ATRX: variants seen among roughly 807,000 people sequenced by gnomAD.
The protein encoded by ATRX is chromatin remodeler ATRX.
Under a neutral mutation model 172.6 loss-of-function variants are expected in ATRX, and 12 were observed. That is an observed-to-expected ratio of 0.07 (90% CI 0.04 to 0.11). The LOEUF (loss-of-function observed/expected upper bound fraction) is 0.11, where lower values mean the gene tolerates loss of function less well. ATRX is among the 10% of genes least tolerant of loss of function. The probability of loss-of-function intolerance (pLI) is 1.00; values close to 1 mark genes in which losing one functional copy is unlikely to be tolerated. For missense variants in ATRX, 1,368 were observed against 1,767.4 expected (o/e 0.77, Z 4.05); for synonymous variants, 674 against 594.7 (o/e 1.13, Z -1.94).
At position 77,717,121 on chromosome X, in the gene ATRX, T is replaced by C. The variant is rs782623596; in HGVS notation, c.133+10A>G. The C allele has an allele frequency of 8.4e-7, 1 of 1,187,075 alleles. No homozygotes were observed. Among genetic ancestry groups the C allele is most frequent in the African/African-American group, 1.8e-5 (1 of 56,823 alleles). On this transcript the variant is annotated intron_variant, in intron 2 of 34. Transcript: ENST00000373344. ...GACTAGAAGGTATAGCACATTCTTTTTCAATTTACCTGTGTTTTGATTCAT... is the reference window on the plus strand; with the variant it reads ...GACTAGAAGGTATAGCACATTCTTTCTCAATTTACCTGTGTTTTGATTCAT...
chrX:77,715,608 T>C (rs1314413274), intron 2 of ATRX, among the ~76,000 whole-genome samples: 1 of 112,287 alleles, frequency 8.9e-6, no homozygotes, highest in Admixed American at 9.5e-5. Context: ...TTGAAAATAA[T>C]GTATTTTTTT....
chrX:77,675,833 T>C (rs2070838045), intron 10 of ATRX: 2 of 132,774 alleles, frequency 1.5e-5, no homozygotes, highest in South Asian at 2.2e-4. Flanking sequence ...AGGACCACCA[T>C]ATTGGATGGC....
intron 2 of ATRX, among the ~76,000 whole-genome samples, chrX:77,713,161 A>G (rs1557162453): frequency 9.0e-6 from 1 of 111,539 alleles, no homozygotes; most frequent in Admixed American, 9.6e-5. Context: ...AAGAATAAAT[A>G]AATAAAAATA....
At chrX:77,659,088 A>C (rs2069714035) in intron 12 of ATRX, among the ~76,000 whole-genome samples, 1 of 111,487 alleles carries the variant, frequency 9.0e-6, no homozygotes, top group Admixed American at 9.6e-5. Context: ...TTAATGGTTA[A>C]AGAGATTCCA....
intron 30 of ATRX, among the ~76,000 whole-genome samples, chrX:77,528,860 A>G (rs2063481923): frequency 8.9e-6 from 1 of 111,915 alleles, no homozygotes; most frequent in African/African-American, 3.2e-5. Flanking sequence ...AATAACAAAT[A>G]TCGCTGGGCT....
chrX:77,698,817 C>A (rs1327876378), intron 2 of ATRX, 188 bp from the exon 3 acceptor site: 2 of 454,737 alleles, frequency 4.4e-6, no homozygotes, highest in Middle Eastern at 3.5e-4. Flanking sequence ...TGCATACTAA[C>A]CCCTCCTTAT....
At chrX:77,763,659 C>T (rs1272108538) in intron 1 of ATRX, among the ~76,000 whole-genome samples, 5 of 105,533 alleles carry the variant, frequency 4.7e-5, no homozygotes, top group South Asian at 4.4e-4. Flanking sequence ...TTAGTAGAGA[C>T]GGGGTTTCAC....
chrX:77,570,272 G>A (rs1038022662), intron 28 of ATRX, among the ~76,000 whole-genome samples: 2 of 108,686 alleles, frequency 1.8e-5, no homozygotes, highest in Non-Finnish European at 3.8e-5. Flanking sequence ...TCGACCTCCT[G>A]ATCTCAAGTG....
intron 15 of ATRX, among the ~76,000 whole-genome samples, chrX:77,636,786 GGAA>G (rs1280998441): frequency 2.8e-5 from 3 of 106,509 alleles, no homozygotes; most frequent in Admixed American, 2.1e-4. Flanking sequence ...GAAGAAAGAA[GGAA>G]GAAGAAGGAG....
At chrX:77,714,191 C>T (rs1193220862) in intron 2 of ATRX, among the ~76,000 whole-genome samples, 1 of 110,683 alleles carries the variant, frequency 9.0e-6, no homozygotes, top group African/African-American at 3.3e-5. Flanking sequence ...AAAGAAGGAC[C>T]TCTAACCGAT....
At chrX:77,537,607 G>T (rs1387546928) in intron 30 of ATRX, among the ~76,000 whole-genome samples, 1 of 110,952 alleles carries the variant, frequency 9.0e-6, no homozygotes, top group African/African-American at 3.3e-5. Context: ...GGCTGAAGCG[G>T]GAGGATTGCT....
intron 9 of ATRX, among the ~76,000 whole-genome samples, chrX:77,677,066 A>C (rs2070912448): frequency 9.1e-6 from 1 of 109,720 alleles, no homozygotes; most frequent in African/African-American, 3.3e-5. Flanking sequence ...AGGTTTCAGT[A>C]AGCCAAGATC....
rs1454785336 is a variant in ATRX at position 77,716,319 on chromosome X, AAAAAATATATATATATAT to A, written c.133+794_133+811del. ...GTCTCTTTAAAAAAAAAAAAAAAAA[AAAAAATATATATATATAT>A]ATATATATATATCTTTTTAAAAGAG... On this transcript the variant is annotated intron_variant, in intron 2 of 34. Transcript: ENST00000373344. Among the ~76,000 whole-genome samples the A allele has an allele frequency of 5.5e-3, 227 of 41,352 alleles. 3 individuals are homozygous for A. In the Admixed American group the frequency reaches 0.08, roughly 15 times the overall value. The allele number at this position is 41,352 out of a possible 115,157, so 35.9% of individuals were successfully genotyped here. A position where few individuals can be genotyped will look rare whatever the true frequency, so the allele number is the denominator to read the frequency against.
intron 28 of ATRX, among the ~76,000 whole-genome samples, chrX:77,560,030 T>C (rs943548419): frequency 1.8e-5 from 2 of 111,652 alleles, no homozygotes; most frequent in South Asian, 7.5e-4. Flanking sequence ...GGTAAATTAC[T>C]ACCTTACACT....
intron 28 of ATRX, among the ~76,000 whole-genome samples, chrX:77,563,551 C>T (rs959781276): frequency 3.6e-5 from 4 of 111,569 alleles, no homozygotes; most frequent in Admixed American, 2.9e-4. Context: ...TTTATATATC[C>T]TGGATGAGAC....
At chrX:77,701,277 TGAG>T (rs782107459) in intron 2 of ATRX, among the ~76,000 whole-genome samples, 1 of 111,228 alleles carries the variant, frequency 9.0e-6, no homozygotes, top group East Asian at 2.8e-4. Flanking sequence ...TTTGGGAGGC[TGAG>T]GTGGGCAGAT....
intron 1 of ATRX, among the ~76,000 whole-genome samples, chrX:77,758,522 A>G (rs1441684184): frequency 1.9e-5 from 2 of 105,903 alleles, no homozygotes; most frequent in East Asian, 3.1e-4. Flanking sequence ...TTGGGAGGCC[A>G]AGGCGGGTGG....
At chrX:77,763,637 A>G (rs1205546611) in intron 1 of ATRX, among the ~76,000 whole-genome samples, 3 of 104,766 alleles carry the variant, frequency 2.9e-5, no homozygotes, top group African/African-American at 1.0e-4. Context: ...CGCCTGGCTA[A>G]TTTTTGTATT....
intron 1 of ATRX, among the ~76,000 whole-genome samples, chrX:77,758,258 C>T (rs1447439292): frequency 2.8e-5 from 3 of 106,198 alleles, no homozygotes; most frequent in Admixed American, 1.0e-4. Context: ...GGTGTGGTGG[C>T]GGGCGCCTGT....
Sources: gnomAD v4.1 joint callset for allele counts (sites outside exome capture counted in the v4.1 genomes callset) on GRCh38, gnomAD v4.1.1 for gene constraint, MANE v1.5 for transcripts, NCBI Gene and HGNC (gene_info 2026-07-23, HGNC 2026-07-21) for gene names.